DENND2C: variants seen among roughly 807,000 people sequenced by gnomAD.
The protein encoded by DENND2C is DENN domain containing 2C, also known as DENN domain-containing protein 2C.
A neutral mutation model predicts 112.4 loss-of-function variants in DENND2C; 72 were observed. The ratio of observed to expected loss-of-function variants is 0.64; its 90% CI spans 0.53 to 0.78. DENND2C has a LOEUF of 0.78. DENND2C is among the 30% of genes least tolerant of loss of function. The pLI is 0.00. For missense variants in DENND2C, 992 were observed against 1,113.8 expected, an observed-to-expected ratio of 0.89 and a Z score of 1.56; for synonymous variants, 329 against 381.6, an observed-to-expected ratio of 0.86 and a Z score of 1.61.
rs1006640004 is a variant in DENND2C at position 114,605,040 on chromosome 1, G to A, written c.1558-9C>T. 6 of 1,592,464 alleles carry A rather than the reference G, an allele frequency of 3.8e-6. No individual in the cohort carries two copies. The highest frequency in any genetic ancestry group is 2.2e-5 in the South Asian group (2 of 90,300). On this transcript the variant is annotated splice_polypyrimidine_tract_variant and intron_variant, in intron 10 of 20. Transcript: ENST00000393274. ...TTATAGCCATGATCATCCTGAAAAA[G>A]ATAACACCATAGGTGACTTAAATTA...
intron 18 of DENND2C, among the ~76,000 whole-genome samples, chr1:114,590,726 C>T (rs552006967): frequency 1.1e-3 from 159 of 146,632 alleles, no homozygotes; most frequent in Non-Finnish European, 1.7e-3. Context: ...CTGCAGTGAG[C>T]CAAGATTGCG....
intron 2 of DENND2C, among the ~76,000 whole-genome samples, chr1:114,649,567 A>G (rs985423985): frequency 6.6e-6 from 1 of 152,122 alleles, no homozygotes; most frequent in East Asian, 1.9e-4. Flanking sequence ...AAATAGAGAC[A>G]GGGTCTCGCT....
At chr1:114,588,334 A>G (rs1036649174) in intron 18 of DENND2C, among the ~76,000 whole-genome samples, 20 of 152,218 alleles carry the variant, frequency 1.3e-4, no homozygotes, top group African/African-American at 4.8e-4. Flanking sequence ...CTTGTCCCCT[A>G]CAACTCTATG....
intron 6 of DENND2C, among the ~76,000 whole-genome samples, chr1:114,622,409 C>T (rs539437932): frequency 6.6e-6 from 1 of 152,162 alleles, no homozygotes; most frequent in South Asian, 2.1e-4. Flanking sequence ...AGCCACTGCA[C>T]CTGGCCAGCA....
chr1:114,655,303 A>G (rs568632579), intron 1 of DENND2C, among the ~76,000 whole-genome samples: 4 of 152,268 alleles, frequency 2.6e-5, no homozygotes, highest in Admixed American at 6.5e-5. Flanking sequence ...ATATAAGCAC[A>G]CTCACAGGAC....
At chr1:114,593,437 T>C (rs1451621810) in intron 18 of DENND2C, among the ~76,000 whole-genome samples, 1 of 152,222 alleles carries the variant, frequency 6.6e-6, no homozygotes, top group South Asian at 2.1e-4. Context: ...AAACTTCTAA[T>C]AGGTATCTCA....
At chr1:114,667,976 A>G (rs1413574710) in intron 1 of DENND2C, among the ~76,000 whole-genome samples, 1 of 152,228 alleles carries the variant, frequency 6.6e-6, no homozygotes, top group Non-Finnish European at 1.5e-5. Flanking sequence ...AATGAATGAT[A>G]GCTGATGTTG....
rs1370537505 is a variant in DENND2C at position 114,636,687 on chromosome 1, A to C, written c.-205+8761T>G. 6.6e-5 allele frequency among the ~76,000 whole-genome samples: 10 copies of C among 152,242 alleles called. No homozygotes were observed. In the East Asian group the frequency reaches 1.9e-3, roughly 29 times the overall value. On this transcript the variant is annotated intron_variant, in intron 3 of 20. Transcript: ENST00000393274. ...GTCTCAAACAACAGCAACAAAAAAA[A>C]CATAATGAATAAGGCAAGAAAAACT...
intron 2 of DENND2C, among the ~76,000 whole-genome samples, chr1:114,646,288 A>C (rs1656986018): frequency 6.6e-6 from 1 of 152,150 alleles, no homozygotes; most frequent in African/African-American, 2.4e-5. Flanking sequence ...TGTTTAAGAT[A>C]ATTTTTTGCT....
intron 3 of DENND2C, among the ~76,000 whole-genome samples, chr1:114,639,233 G>A (rs1656748473): frequency 6.6e-6 from 1 of 152,178 alleles, no homozygotes; most frequent in South Asian, 2.1e-4. Flanking sequence ...GTAACATGGT[G>A]CAACCCCTTT....
intron 1 of DENND2C, among the ~76,000 whole-genome samples, chr1:114,669,181 G>A (rs1557965443): frequency 6.6e-6 from 1 of 152,226 alleles, no homozygotes; most frequent in East Asian, 1.9e-4. Flanking sequence ...TACCAGGCAA[G>A]TAGTAGTTGC....
chr1:114,607,351 A>C (rs145767897), intron 10 of DENND2C, among the ~76,000 whole-genome samples: 1,662 of 152,322 alleles, frequency 0.011, 23 homozygotes, highest in Middle Eastern at 0.054. Flanking sequence ...GCCTTATGTA[A>C]CTACACTGGT....
At chr1:114,593,333 G>C (rs1378134341) in intron 18 of DENND2C, among the ~76,000 whole-genome samples, 6 of 152,100 alleles carry the variant, frequency 3.9e-5, no homozygotes, top group Non-Finnish European at 8.8e-5. Context: ...ATCTCATCTG[G>C]TCCCACAGCT....
intron 20 of DENND2C, among the ~76,000 whole-genome samples, chr1:114,586,036 T>C (rs547171652): frequency 1.1e-4 from 17 of 152,310 alleles, no homozygotes; most frequent in African/African-American, 3.8e-4. Flanking sequence ...GCCTAAGGCC[T>C]AATTTGTCCA....
intron 16 of DENND2C, among the ~76,000 whole-genome samples, chr1:114,598,945 A>C (rs545194367): frequency 1.3e-5 from 2 of 152,238 alleles, no homozygotes; most frequent in African/African-American, 4.8e-5. Context: ...AGCCTCCCAA[A>C]GTGCTGGGAT....
chr1:114,669,387 GC>G (rs1405999361), intron 1 of DENND2C, among the ~76,000 whole-genome samples: 1 of 152,088 alleles, frequency 6.6e-6, no homozygotes, highest in Non-Finnish European at 1.5e-5. Flanking sequence ...CTAGACTTGA[GC>G]CTTTTGACTC....
chr1:114,612,517 C>T (rs1655851017), intron 8 of DENND2C, among the ~76,000 whole-genome samples: 1 of 148,150 alleles, frequency 6.7e-6, no homozygotes, highest in African/African-American at 2.5e-5. Context: ...CCACACCCAG[C>T]TAATTTTTTT....
intron 1 of DENND2C, among the ~76,000 whole-genome samples, chr1:114,661,392 C>T (rs1657488226): frequency 6.6e-6 from 1 of 152,206 alleles, no homozygotes; most frequent in East Asian, 1.9e-4. Flanking sequence ...AGATATGTAG[C>T]CATTTTTCCC....
rs1396236335 is a variant in DENND2C at position 114,595,815 on chromosome 1, C to T, written c.2325+17G>A. 2 of 1,608,256 alleles carry T rather than the reference C, an allele frequency of 1.2e-6. No individual in the cohort carries two copies. The highest frequency in any genetic ancestry group is 2.2e-5 in the South Asian group (2 of 90,932). On this transcript the variant is annotated intron_variant, in intron 17 of 20. Transcript: ENST00000393274. ...ATTTATCCTAAAACATAAGTAATTA[C>T]CTCCTTTGGCACTCACCTCCTGTAA...
Sources: gnomAD v4.1 joint callset for allele counts (sites outside exome capture counted in the v4.1 genomes callset) on GRCh38, gnomAD v4.1.1 for gene constraint, MANE v1.5 for transcripts, NCBI Gene and HGNC (gene_info 2026-07-23, HGNC 2026-07-21) for gene names.